The following PLPPR4 variants were observed in gnomAD, a reference collection of about 807,000 sequenced individuals.
PLPPR4 encodes phospholipid phosphatase-related protein type 4.
A neutral mutation model predicts 56.6 loss-of-function variants in PLPPR4; 24 were observed. The observed-to-expected ratio is 0.42, with a 90% CI of 0.31 to 0.60. The LOEUF (loss-of-function observed/expected upper bound fraction) is 0.60, where lower values mean the gene tolerates loss of function less well. PLPPR4 is among the 20% of genes least tolerant of loss of function. The pLI is 0.13. For synonymous variants in PLPPR4, 326 were observed against 328.1 expected (o/e 0.99, Z 0.07); for missense variants, 654 against 885.8 (o/e 0.74, Z 3.32).
rs976006523 is a variant in PLPPR4 at position 99,307,274 on chromosome 1, G to A, written c.*264G>A. 4.7e-6 allele frequency: 2 copies of A among 425,994 alleles called. No homozygotes were observed. Among genetic ancestry groups the A allele is most frequent in the East Asian group, 3.6e-5 (1 of 27,422 alleles). The allele number at this position is 425,994 out of a possible 1,614,324, so 26.4% of individuals were successfully genotyped here. ...CGTCAAACTTAAAAGGTTTTGCAGAGGGCAGTATCAAAAGAAAGTGGTTTT... is the reference window on the plus strand; with the variant it reads ...CGTCAAACTTAAAAGGTTTTGCAGAAGGCAGTATCAAAAGAAAGTGGTTTT... On this transcript the variant is annotated 3_prime_UTR_variant, in exon 7 of 7. Transcript: ENST00000370185.
At chr1:99,275,416 G>T (rs1659158444) in intron 1 of PLPPR4, among the ~76,000 whole-genome samples, 1 of 152,102 alleles carries the variant, frequency 6.6e-6, no homozygotes, top group African/African-American at 2.4e-5. Context: ...GTTGGCCCAG[G>T]ACATAATTAA....
At chr1:99,282,689 C>T (rs1014113456) in intron 1 of PLPPR4, among the ~76,000 whole-genome samples, 6 of 151,944 alleles carry the variant, frequency 3.9e-5, no homozygotes, top group African/African-American at 1.2e-4. Context: ...CCTCCTTGGA[C>T]GTCGGGTCTC....
At chr1:99,281,183 T>C (rs977039926) in intron 1 of PLPPR4, among the ~76,000 whole-genome samples, 6 of 152,142 alleles carry the variant, frequency 3.9e-5, no homozygotes, top group African/African-American at 1.4e-4. Flanking sequence ...TGATAACAAA[T>C]GAAGCCCAGA....
At chr1:99,277,391 G>A (rs1192986160) in intron 1 of PLPPR4, among the ~76,000 whole-genome samples, 1 of 152,182 alleles carries the variant, frequency 6.6e-6, no homozygotes, top group African/African-American at 2.4e-5. Flanking sequence ...AGTCAGAATT[G>A]TGTAAGCTGA....
intron 1 of PLPPR4, among the ~76,000 whole-genome samples, chr1:99,275,517 A>G (rs1270585595): frequency 6.6e-6 from 1 of 152,172 alleles, no homozygotes; most frequent in East Asian, 1.9e-4. Flanking sequence ...TAAATCTGTG[A>G]TGGATTCGTC....
intron 2 of PLPPR4, among the ~76,000 whole-genome samples, chr1:99,294,695 CA>C (rs58586815): frequency 0.07 from 4,402 of 62,958 alleles, 68 homozygotes; most frequent in African/African-American, 0.11. Flanking sequence ...GACTCAGTCT[CA>C]AAAAAAAAAA....
intron 1 of PLPPR4, among the ~76,000 whole-genome samples, chr1:99,284,539 C>G (rs572513609): frequency 6.6e-6 from 1 of 151,594 alleles, no homozygotes; most frequent in Admixed American, 6.6e-5. Flanking sequence ...CGCCTCTCTC[C>G]CAAAGTGCTG....
At chr1:99,273,881 A>G (rs1187577503) in intron 1 of PLPPR4, among the ~76,000 whole-genome samples, 1 of 152,150 alleles carries the variant, frequency 6.6e-6, no homozygotes, top group African/African-American at 2.4e-5. Context: ...TAAATTGCCT[A>G]TCAGAGATAT....
chr1:99,277,151 G>C (rs1659206239), intron 1 of PLPPR4, among the ~76,000 whole-genome samples: 1 of 152,116 alleles, frequency 6.6e-6, no homozygotes, highest in Non-Finnish European at 1.5e-5. Flanking sequence ...GCTTTGCCAG[G>C]ACCACTTTCC....
chr1:99,265,039 C>T (rs1209080585), intron 1 of PLPPR4, among the ~76,000 whole-genome samples: 4 of 152,094 alleles, frequency 2.6e-5, no homozygotes, highest in African/African-American at 9.7e-5. Context: ...TTCAACCTGC[C>T]GAGTACGTGT....
intron 1 of PLPPR4, among the ~76,000 whole-genome samples, chr1:99,271,399 G>A (rs1317242010): frequency 2.6e-5 from 4 of 152,186 alleles, no homozygotes; most frequent in African/African-American, 9.7e-5. Context: ...ACACCATACT[G>A]TCTCACACAT....
At chr1:99,302,329 T>G (rs1332066641) in intron 6 of PLPPR4, among the ~76,000 whole-genome samples, 1 of 152,098 alleles carries the variant, frequency 6.6e-6, no homozygotes, top group East Asian at 1.9e-4. Context: ...TTAACACTAC[T>G]CTTTTTTCAA....
intron 2 of PLPPR4, among the ~76,000 whole-genome samples, chr1:99,290,455 A>G (rs1659587300): frequency 1.3e-5 from 2 of 151,894 alleles, no homozygotes; most frequent in African/African-American, 2.4e-5. Context: ...CAAAATTCAT[A>G]TGGAACCAAA....
chr1:99,276,813 G>T (rs532461806), intron 1 of PLPPR4, among the ~76,000 whole-genome samples: 65 of 152,190 alleles, frequency 4.3e-4, no homozygotes, highest in African/African-American at 1.6e-3. Flanking sequence ...GGGTGCCTTT[G>T]AAAGATTTCT....
chr1:99,264,498 G>A lies in PLPPR4; in HGVS notation c.-96G>A, dbSNP rs1228000114. The A allele has an allele frequency of 4.5e-6, 7 of 1,540,200 alleles. No homozygotes were observed. Among genetic ancestry groups the A allele is most frequent in the Non-Finnish European group, 6.1e-6 (7 of 1,144,382 alleles). ...TGGCCGCGGGGAATGTGACATCAGC[G>A]GCGCCGGGCGCTTGGGGCTGGAGGA... On this transcript the variant is annotated 5_prime_UTR_variant, in exon 1 of 7. Coordinates refer to ENST00000370185, the MANE Select transcript of PLPPR4 (RefSeq NM_014839.5).
At chr1:99,264,489 G>A, upstream of PLPPR4, 1 of 1,535,884 alleles carries the variant, frequency 6.5e-7, no homozygotes, top group Admixed American at 2.1e-5. Flanking sequence ...CGGGGAATGT[G>A]ACATCAGCGG....
At chr1:99,284,273 T>A (rs1377262007) in intron 1 of PLPPR4, among the ~76,000 whole-genome samples, 2 of 152,206 alleles carry the variant, frequency 1.3e-5, no homozygotes, top group Non-Finnish European at 2.9e-5. Context: ...AACATTGTCA[T>A]TTAATTCATT....
intron 1 of PLPPR4, among the ~76,000 whole-genome samples, chr1:99,268,934 T>C (rs1213999384): frequency 1.3e-5 from 2 of 152,188 alleles, no homozygotes; most frequent in African/African-American, 4.8e-5. Flanking sequence ...AAACTTTTTG[T>C]TTATTATTAT....
At chr1:99,282,650 T>C (rs763173678) in intron 1 of PLPPR4, among the ~76,000 whole-genome samples, 58 of 152,136 alleles carry the variant, frequency 3.8e-4, no homozygotes, top group Non-Finnish European at 6.5e-4. Context: ...AGAATGTTTC[T>C]GATCCTACTT....
Sources: gnomAD v4.1 joint callset for allele counts (sites outside exome capture counted in the v4.1 genomes callset) on GRCh38, gnomAD v4.1.1 for gene constraint, MANE v1.5 for transcripts, NCBI Gene and HGNC (gene_info 2026-07-23, HGNC 2026-07-21) for gene names.